The following COX10 variants were observed in gnomAD, a reference collection of about 807,000 sequenced individuals.
COX10 encodes cytochrome c oxidase assembly factor heme A:farnesyltransferase COX10, also known as protoheme IX farnesyltransferase, mitochondrial.
Under a neutral mutation model 37.3 loss-of-function variants are expected in COX10, and 27 were observed. The observed-to-expected ratio is 0.72, with a 90% CI of 0.53 to 1.00. The LOEUF is 1.00. Ranked by LOEUF, COX10 falls within the 50% of genes least tolerant of loss-of-function variation. COX10 has a pLI of 0.00. For synonymous variants in COX10, 222 were observed against 229.1 expected (o/e 0.97, Z 0.28); for missense variants, 475 against 563.2 (o/e 0.84, Z 1.59).
intron 6 of COX10, among the ~76,000 whole-genome samples, chr17:14,204,923 G>A (rs1906649224): frequency 6.6e-6 from 1 of 152,078 alleles, no homozygotes; most frequent in African/African-American, 2.4e-5. Flanking sequence ...GCAACATGGT[G>A]AGACCCCATC....
At chr17:14,174,531 A>G (rs1028088444) in intron 5 of COX10, among the ~76,000 whole-genome samples, 44 of 152,166 alleles carry the variant, frequency 2.9e-4, no homozygotes, top group African/African-American at 9.7e-4. Flanking sequence ...GGCGTTAAAT[A>G]AGCAAAAGAT....
intron 4 of COX10, among the ~76,000 whole-genome samples, chr17:14,135,590 AATATTG>A (rs1904337648): frequency 1.3e-5 from 2 of 151,894 alleles, no homozygotes; most frequent in Non-Finnish European, 2.9e-5. Context: ...AGAAACACTT[AATATTG>A]AGGTTTTTTA....
At chr17:14,101,096 CAT>C (rs1216627571) in intron 3 of COX10, among the ~76,000 whole-genome samples, 1 of 152,132 alleles carries the variant, frequency 6.6e-6, no homozygotes, top group Non-Finnish European at 1.5e-5. Context: ...GGGTTTGAAA[CAT>C]AGTGTAGAGA....
chr17:14,143,595 C>T (rs919505530), intron 4 of COX10, among the ~76,000 whole-genome samples: 2 of 152,068 alleles, frequency 1.3e-5, no homozygotes, highest in Non-Finnish European at 2.9e-5. Flanking sequence ...CTATTATCTC[C>T]TCTCTGACCA....
At chr17:14,153,044 T>G (rs1904949730) in intron 4 of COX10, among the ~76,000 whole-genome samples, 1 of 152,174 alleles carries the variant, frequency 6.6e-6, no homozygotes, top group Non-Finnish European at 1.5e-5. Flanking sequence ...CACGTAAGCT[T>G]CTTTTGGCCA....
At chr17:14,176,330 G>A (rs1203273312) in intron 5 of COX10, among the ~76,000 whole-genome samples, 3 of 152,176 alleles carry the variant, frequency 2.0e-5, no homozygotes, top group East Asian at 1.9e-4. Context: ...CAGAGAAGGT[G>A]CAGCTCCCCT....
intron 6 of COX10, among the ~76,000 whole-genome samples, chr17:14,205,709 C>G (rs1033821512): frequency 6.6e-6 from 1 of 152,198 alleles, no homozygotes; most frequent in African/African-American, 2.4e-5. Flanking sequence ...GCCTGAAAAT[C>G]AAGCAGCCTT....
At chr17:14,202,777 G>A (rs1906585643) in intron 6 of COX10, among the ~76,000 whole-genome samples, 1 of 150,154 alleles carries the variant, frequency 6.7e-6, no homozygotes, top group South Asian at 2.1e-4. Flanking sequence ...CTGCGCTGGG[G>A]GAAGATCCCA....
chr17:14,199,969 C>T (rs1469207323), intron 6 of COX10, among the ~76,000 whole-genome samples: 1 of 152,166 alleles, frequency 6.6e-6, no homozygotes, highest in Non-Finnish European at 1.5e-5. Flanking sequence ...CCGTGGGCCA[C>T]ATCAGAGAGG....
chr17:14,189,230 A>C (rs868216249), intron 5 of COX10, among the ~76,000 whole-genome samples: 1 of 151,792 alleles, frequency 6.6e-6, no homozygotes, highest in Admixed American at 6.6e-5. Context: ...TTAATTTTTC[A>C]ATCAGAATTG....
At chr17:14,176,630 G>A (rs1357701365) in intron 5 of COX10, among the ~76,000 whole-genome samples, 1 of 152,000 alleles carries the variant, frequency 6.6e-6, no homozygotes, top group Non-Finnish European at 1.5e-5. Flanking sequence ...AACCTTCCAT[G>A]TACTTTATGG....
intron 5 of COX10, among the ~76,000 whole-genome samples, chr17:14,172,572 C>CTTTTCCTTTTTT (rs1567607448): frequency 8.1e-6 from 1 of 122,774 alleles, no homozygotes; most frequent in Non-Finnish European, 1.7e-5. Context: ...TTCTTTTTTT[C>CTTTTCCTTTTTT]TTTTTCTTTT....
At chr17:14,129,822 A>G (rs961777944) in intron 4 of COX10, among the ~76,000 whole-genome samples, 3 of 152,270 alleles carry the variant, frequency 2.0e-5, no homozygotes, top group Admixed American at 1.3e-4. Flanking sequence ...GTAGGGTTAT[A>G]TAGGGTTGGT....
At chr17:14,100,056 T>C (rs1915743044) in intron 3 of COX10, among the ~76,000 whole-genome samples, 1 of 152,172 alleles carries the variant, frequency 6.6e-6, no homozygotes, top group South Asian at 2.1e-4. Context: ...AATCAAAATA[T>C]CCCATTTTTA....
intron 5 of COX10, among the ~76,000 whole-genome samples, chr17:14,176,018 A>T (rs1362980571): frequency 6.6e-6 from 1 of 152,182 alleles, no homozygotes; most frequent in African/African-American, 2.4e-5. Context: ...GTGTGATCAG[A>T]TTTAGGTTAA....
At chr17:14,204,298 A>G (rs1336523338) in intron 6 of COX10, among the ~76,000 whole-genome samples, 1 of 151,798 alleles carries the variant, frequency 6.6e-6, no homozygotes, top group Non-Finnish European at 1.5e-5. Context: ...CCTCTTAGTG[A>G]CTTTCCCCTT....
intron 4 of COX10, among the ~76,000 whole-genome samples, chr17:14,149,665 G>T (rs1355390317): frequency 6.6e-6 from 1 of 152,102 alleles, no homozygotes; most frequent in Non-Finnish European, 1.5e-5. Context: ...TTGTCATTTT[G>T]CCTGCTTCAT....
chr17:14,200,181 A>G (rs535974929), intron 6 of COX10, among the ~76,000 whole-genome samples: 112 of 152,298 alleles, frequency 7.4e-4, no homozygotes, highest in African/African-American at 2.6e-3. Context: ...ATTTCCTGAC[A>G]GAGTCAGAGC....
At chr17:14,152,341 C>T (rs537398936) in intron 4 of COX10, among the ~76,000 whole-genome samples, 43 of 152,232 alleles carry the variant, frequency 2.8e-4, no homozygotes, top group African/African-American at 9.9e-4. Flanking sequence ...AGAATGAGAA[C>T]CAAGTGAAAC....
Sources: gnomAD v4.1 joint callset for allele counts (sites outside exome capture counted in the v4.1 genomes callset) on GRCh38, gnomAD v4.1.1 for gene constraint, MANE v1.5 for transcripts, NCBI Gene and HGNC (gene_info 2026-07-23, HGNC 2026-07-21) for gene names.